The following GPC6 variants were observed in gnomAD, a reference collection of about 807,000 sequenced individuals.
GPC6 encodes glypican-6.
In GPC6, 14 loss-of-function variants were observed where a neutral mutation model predicts 55.2. That is an observed-to-expected ratio of 0.25 (90% confidence interval 0.17 to 0.40). GPC6 has a LOEUF of 0.40. GPC6 is among the 10% of genes least tolerant of loss of function. The probability of loss-of-function intolerance (pLI) is 1.00; values close to 1 mark genes in which losing one functional copy is unlikely to be tolerated. For missense variants in GPC6, 641 were observed against 708.5 expected, an observed-to-expected ratio of 0.90 and a Z score of 1.08; for synonymous variants, 278 against 259.6, an observed-to-expected ratio of 1.07 and a Z score of -0.68.
intron 2 of GPC6, among the ~76,000 whole-genome samples, chr13:93,674,148 G>A (rs1321739037): frequency 6.6e-6 from 1 of 152,108 alleles, no homozygotes; most frequent in Non-Finnish European, 1.5e-5. Context: ...CTAACAATCA[G>A]TTTTGGATTT....
intron 1 of GPC6, among the ~76,000 whole-genome samples, chr13:93,306,616 T>A (rs1878866447): frequency 6.6e-6 from 1 of 152,104 alleles, no homozygotes; most frequent in Non-Finnish European, 1.5e-5. Flanking sequence ...GATCTAGGAT[T>A]TCACTTCAAA....
rs1874862708 is a variant in GPC6, at chr13:93,375,670, TACA to T, written c.160+148059_160+148061del. On this transcript the variant is annotated intron_variant, in intron 1 of 8. Transcript: ENST00000377047. ...GTGGCCATTCTGGCTGGACAACCTG[TACA>T]ACAAGAACAGGGACCTGACAGTGGA... Among the ~76,000 whole-genome samples the T allele has an allele frequency of 4.6e-5, 7 of 152,300 alleles. No homozygotes were observed. The South Asian group carries it at 1.2e-3, about 27-fold the overall frequency.
intron 2 of GPC6, among the ~76,000 whole-genome samples, chr13:93,594,238 G>T (rs1030467031): frequency 1.3e-5 from 2 of 151,712 alleles, no homozygotes; most frequent in African/African-American, 4.8e-5. Flanking sequence ...TGTTATGGGG[G>T]TTTGTTGTAC....
intron 2 of GPC6, among the ~76,000 whole-genome samples, chr13:93,662,356 G>T (rs145733092): frequency 6.6e-6 from 1 of 152,182 alleles, no homozygotes; most frequent in Non-Finnish European, 1.5e-5. Context: ...TAGGCTGGGG[G>T]TGGTGGCTCA....
chr13:93,680,187 C>T (rs1171154338), intron 2 of GPC6, among the ~76,000 whole-genome samples: 1 of 152,080 alleles, frequency 6.6e-6, no homozygotes, highest in Non-Finnish European at 1.5e-5. Flanking sequence ...TTCAATATGA[C>T]TGGTGTCCTT....
intron 1 of GPC6, among the ~76,000 whole-genome samples, chr13:93,351,551 C>G (rs1028558198): frequency 6.6e-6 from 1 of 151,936 alleles, no homozygotes; most frequent in Admixed American, 6.6e-5. Flanking sequence ...TTAATAAAAG[C>G]ACATTACATA....
chr13:93,991,547 T>G (rs184549397), intron 3 of GPC6, among the ~76,000 whole-genome samples: 102 of 152,316 alleles, frequency 6.7e-4, no homozygotes, highest in African/African-American at 2.3e-3. Context: ...AAGCATGTCT[T>G]CTTAATTTCT....
chr13:93,832,318 T>A (rs1324462631), intron 3 of GPC6, among the ~76,000 whole-genome samples: 2 of 150,958 alleles, frequency 1.3e-5, no homozygotes, highest in East Asian at 3.9e-4. Flanking sequence ...CATATTTTCT[T>A]GAGTAGATGC....
intron 1 of GPC6, among the ~76,000 whole-genome samples, chr13:93,469,111 TATC>T (rs1879017402): frequency 6.6e-6 from 1 of 152,176 alleles, no homozygotes; most frequent in Non-Finnish European, 1.5e-5. Context: ...TTAACAAAAA[TATC>T]ATAATGAAGC....
chr13:94,292,256 A>ATAACCT (rs1875027365), intron 5 of GPC6, among the ~76,000 whole-genome samples: 1 of 150,924 alleles, frequency 6.6e-6, no homozygotes, highest in Non-Finnish European at 1.5e-5. Context: ...TAATCGATGC[A>ATAACCT]TAACCCTAAC....
chr13:94,222,485 G>A (rs1359688687), intron 4 of GPC6, among the ~76,000 whole-genome samples: 1 of 152,030 alleles, frequency 6.6e-6, no homozygotes, highest in East Asian at 1.9e-4. Context: ...ATCAGTTCTA[G>A]TTTTCTGACA....
intron 4 of GPC6, among the ~76,000 whole-genome samples, chr13:94,222,046 C>A (rs143638634): frequency 6.6e-6 from 1 of 151,410 alleles, no homozygotes; most frequent in African/African-American, 2.4e-5. Context: ...TTTTTCTGCC[C>A]GATTCTAGTG....
intron 1 of GPC6, among the ~76,000 whole-genome samples, chr13:93,501,529 CTTTG>C (rs1251768479): frequency 2.0e-5 from 3 of 152,084 alleles, no homozygotes; most frequent in Non-Finnish European, 2.9e-5. Flanking sequence ...GTTTTGTTTT[CTTTG>C]TTTGTTTGAA....
intron 1 of GPC6, among the ~76,000 whole-genome samples, chr13:93,528,218 G>A (rs1338478851): frequency 6.6e-6 from 1 of 152,084 alleles, no homozygotes; most frequent in African/African-American, 2.4e-5. Context: ...GCTGCTATCA[G>A]GAGCAAAAAC....
At chr13:94,225,923 C>T (rs1890543047) in intron 4 of GPC6, among the ~76,000 whole-genome samples, 1 of 152,140 alleles carries the variant, frequency 6.6e-6, no homozygotes, top group South Asian at 2.1e-4. Context: ...TACCCACTGT[C>T]TGGCCTTACA....
At chr13:94,133,714 A>ATT (rs778394484) in intron 4 of GPC6, among the ~76,000 whole-genome samples, 25 of 144,224 alleles carry the variant, frequency 1.7e-4, no homozygotes, top group Admixed American at 7.7e-4. Context: ...ACACAACAGC[A>ATT]TTTTTTTTTT....
chr13:93,639,630 G>A (rs2139583415), intron 2 of GPC6, among the ~76,000 whole-genome samples: 1 of 152,232 alleles, frequency 6.6e-6, no homozygotes, highest in South Asian at 2.1e-4. Context: ...ACACATATCT[G>A]GAATTAAAGC....
intron 4 of GPC6, among the ~76,000 whole-genome samples, chr13:94,120,989 C>G (rs1030476693): frequency 6.6e-6 from 1 of 151,940 alleles, no homozygotes; most frequent in African/African-American, 2.4e-5. Context: ...TGAGAGTGAC[C>G]CAGGAGGCAA....
intron 4 of GPC6, among the ~76,000 whole-genome samples, chr13:94,101,121 C>T (rs928931188): frequency 2.0e-4 from 30 of 152,180 alleles, no homozygotes; most frequent in African/African-American, 7.0e-4. Context: ...TTCTTTCTGC[C>T]CATGCAGTGC....
Sources: allele counts gnomAD v4.1 joint callset (sites outside exome capture counted in the v4.1 genomes callset), GRCh38; gene constraint gnomAD v4.1.1; transcripts MANE v1.5; gene names NCBI Gene and HGNC (gene_info 2026-07-23, HGNC 2026-07-21).